PDE4D: variants seen among roughly 807,000 people sequenced by gnomAD.
The protein encoded by PDE4D is 3',5'-cyclic-AMP phosphodiesterase 4D.
A neutral mutation model predicts 87.4 loss-of-function variants in PDE4D; 24 were observed. The ratio of observed to expected loss-of-function variants is 0.27; its 90% CI spans 0.20 to 0.39. The LOEUF is 0.39. PDE4D is among the 10% of genes least tolerant of loss of function. PDE4D has a pLI of 1.00. For synonymous variants in PDE4D, 384 were observed against 383.2 expected (o/e 1.00, Z -0.02); for missense variants, 714 against 1,041.0 (o/e 0.69, Z 4.32).
intron 6 of PDE4D, among the ~76,000 whole-genome samples, chr5:59,003,128 GC>G (rs1468905957): frequency 1.3e-5 from 2 of 151,822 alleles, no homozygotes; most frequent in East Asian, 3.9e-4. Context: ...TCATCTTCTT[GC>G]CCCTGGCTTT....
chr5:59,794,833 A>G (rs1766274233), intron 1 of PDE4D, among the ~76,000 whole-genome samples: 1 of 152,174 alleles, frequency 6.6e-6, no homozygotes, highest in Non-Finnish European at 1.5e-5. Flanking sequence ...TTCAGCTGGA[A>G]AAATCCAAGA....
chr5:59,228,924 T>C (rs1448816606), intron 1 of PDE4D, among the ~76,000 whole-genome samples: 2 of 152,082 alleles, frequency 1.3e-5, no homozygotes, highest in Non-Finnish European at 2.9e-5. Context: ...TCTAGAGATA[T>C]CAGCTCAATG....
chr5:60,514,697 A>C (rs1750716784), intron 1 of PDE4D, among the ~76,000 whole-genome samples: 1 of 151,644 alleles, frequency 6.6e-6, no homozygotes, highest in South Asian at 2.1e-4. Flanking sequence ...ATGTAATAAA[A>C]GGTGTTTACA....
intron 2 of PDE4D, among the ~76,000 whole-genome samples, chr5:59,992,441 A>G (rs1349871442): frequency 1.3e-5 from 2 of 152,170 alleles, no homozygotes; most frequent in East Asian, 1.9e-4. Context: ...CATGTATCCT[A>G]TTAGTTCTGT....
chr5:59,200,941 A>G (rs1412742572), intron 2 of PDE4D, among the ~76,000 whole-genome samples: 2 of 152,068 alleles, frequency 1.3e-5, no homozygotes, highest in African/African-American at 4.8e-5. Flanking sequence ...TCAACTGTAT[A>G]TCTTGCTTTT....
At chr5:60,141,514 T>G (rs910493076) in intron 2 of PDE4D, among the ~76,000 whole-genome samples, 2 of 152,152 alleles carry the variant, frequency 1.3e-5, no homozygotes, top group Admixed American at 1.3e-4. Context: ...AATCCTTAGG[T>G]TGCAGCCACA....
At chr5:60,091,921 CGT>C (rs1227936224) in intron 2 of PDE4D, among the ~76,000 whole-genome samples, 1 of 150,922 alleles carries the variant, frequency 6.6e-6, no homozygotes, top group East Asian at 2.0e-4. Context: ...CATGGTGGCG[CGT>C]GCCTGTAGTC....
At chr5:59,668,845 G>GGAAGAAGAGGAA (rs1746604816) in intron 1 of PDE4D, among the ~76,000 whole-genome samples, 6 of 62,124 alleles carry the variant, frequency 9.7e-5, no homozygotes, top group Admixed American at 5.2e-4. Context: ...AAGAGGAAGA[G>GGAAGAAGAGGAA]GAAGAAGAAG....
chr5:60,136,762 A>T (rs1238048422), intron 2 of PDE4D, among the ~76,000 whole-genome samples: 1 of 152,038 alleles, frequency 6.6e-6, no homozygotes, highest in Admixed American at 6.6e-5. Context: ...GTTAATATAA[A>T]TTTTTTTCAG....
intron 3 of PDE4D, among the ~76,000 whole-genome samples, chr5:59,190,370 TTTTTG>T (rs968149631): frequency 2.0e-4 from 31 of 152,142 alleles, no homozygotes; most frequent in African/African-American, 7.0e-4. Flanking sequence ...ATGCAAAAAG[TTTTTG>T]TTTTGTTTTG....
At chr5:60,012,361 C>T (rs1765096688) in intron 2 of PDE4D, among the ~76,000 whole-genome samples, 1 of 152,148 alleles carries the variant, frequency 6.6e-6, no homozygotes, top group South Asian at 2.1e-4. Context: ...TTAAACATGA[C>T]TTTAAATGAT....
At chr5:59,416,357 G>A (rs1793608725) in intron 1 of PDE4D, among the ~76,000 whole-genome samples, 1 of 152,152 alleles carries the variant, frequency 6.6e-6, no homozygotes, top group Non-Finnish European at 1.5e-5. Flanking sequence ...CAGAAAACCA[G>A]GGGCTATTCA....
chr5:60,337,941 C>A (rs1048879511), intron 1 of PDE4D, among the ~76,000 whole-genome samples: 1 of 151,692 alleles, frequency 6.6e-6, no homozygotes, highest in African/African-American at 2.4e-5. Context: ...AAAAGACATA[C>A]AATGTAAAAA....
chr5:59,595,234 C>G (rs1005385835), intron 1 of PDE4D, among the ~76,000 whole-genome samples: 2 of 152,116 alleles, frequency 1.3e-5, no homozygotes, highest in African/African-American at 4.8e-5. Context: ...CATATTTTGA[C>G]AATCTATTTA....
At chr5:60,164,303 G>A (rs75264780) in intron 2 of PDE4D, among the ~76,000 whole-genome samples, 6,086 of 151,936 alleles carry the variant, frequency 0.04, 412 homozygotes, top group African/African-American at 0.14. Context: ...TACAACTAAC[G>A]GGAAAACTAT....
At chr5:60,048,355 G>C (rs1311305647) in intron 2 of PDE4D, among the ~76,000 whole-genome samples, 1 of 152,024 alleles carries the variant, frequency 6.6e-6, no homozygotes, top group African/African-American at 2.4e-5. Flanking sequence ...GGAGCATTTA[G>C]TCCATTTACA....
intron 1 of PDE4D, among the ~76,000 whole-genome samples, chr5:59,290,543 A>C (rs894605644): frequency 6.6e-6 from 1 of 152,110 alleles, no homozygotes; most frequent in African/African-American, 2.4e-5. Flanking sequence ...ATACCCTACA[A>C]GCATAGGCAA....
chr5:59,464,371 G>T (rs1044563467), intron 1 of PDE4D, among the ~76,000 whole-genome samples: 12 of 152,232 alleles, frequency 7.9e-5, no homozygotes, highest in Non-Finnish European at 1.8e-4. Flanking sequence ...CCGCCTTAAG[G>T]CTGGAGGTGG....
chr5:59,078,742 T>G (rs542207970), intron 5 of PDE4D, among the ~76,000 whole-genome samples: 42 of 152,216 alleles, frequency 2.8e-4, no homozygotes, highest in African/African-American at 1.0e-3. Flanking sequence ...CTCGAACTCC[T>G]TACCTCAAGT....
Sources: allele counts gnomAD v4.1 joint callset (sites outside exome capture counted in the v4.1 genomes callset), GRCh38; gene constraint gnomAD v4.1.1; transcripts MANE v1.5; gene names NCBI Gene and HGNC (gene_info 2026-07-23, HGNC 2026-07-21).